GPHN: variants seen among roughly 807,000 people sequenced by gnomAD.
GPHN encodes gephyrin.
In GPHN, 17 loss-of-function variants were observed where a neutral mutation model predicts 95.5. The ratio of observed to expected loss-of-function variants is 0.18; its 90% CI spans 0.12 to 0.27. The LOEUF is 0.27. Ranked by LOEUF, GPHN falls within the 10% of genes least tolerant of loss-of-function variation. GPHN has a pLI of 1.00. For synonymous variants in GPHN, 320 were observed against 322.5 expected, an observed-to-expected ratio of 0.99 and a Z score of 0.08; for missense variants, 660 against 978.1, an observed-to-expected ratio of 0.67 and a Z score of 4.34.
At chr14:66,898,131 A>G (rs572776200) in intron 5 of GPHN, among the ~76,000 whole-genome samples, 1 of 151,986 alleles carries the variant, frequency 6.6e-6, no homozygotes, top group African/African-American at 2.4e-5. Flanking sequence ...GTGGATTGCA[A>G]TTGTTTTCTC....
chr14:67,258,345 G>A, the GPHN span, among the ~76,000 whole-genome samples: 1 of 152,212 alleles, frequency 6.6e-6, no homozygotes, highest in East Asian at 1.9e-4. Context: ...GACTAGTCTG[G>A]GCAATGTGGC....
intron 12 of GPHN, among the ~76,000 whole-genome samples, chr14:67,092,680 A>G (rs2077191691): frequency 6.6e-6 from 1 of 152,116 alleles, no homozygotes; most frequent in South Asian, 2.1e-4. Flanking sequence ...ATAAAACATT[A>G]AGAAAGAATA....
At chr14:67,733,735 C>T in the GPHN span, 10 of 1,588,218 alleles carry the variant, frequency 6.3e-6, no homozygotes, top group Non-Finnish European at 6.9e-6. Context: ...CTGTCTTTCT[C>T]TGCCCTCCAG....
At chr14:67,587,260 A>C in the GPHN span, 1,610,557 of 1,613,066 alleles carry the variant, frequency 1, 804,058 homozygotes, top group East Asian at 1. Flanking sequence ...CGATTCCCCA[A>C]CACCACTAGT....
chr14:67,528,478 G>A, the GPHN span, among the ~76,000 whole-genome samples: 1 of 152,206 alleles, frequency 6.6e-6, no homozygotes, highest in African/African-American at 2.4e-5. Flanking sequence ...CCCAATTGAT[G>A]TGAGCAGCCA....
intron 9 of GPHN, among the ~76,000 whole-genome samples, chr14:66,990,101 GA>G (rs570711556): frequency 2.2e-3 from 342 of 152,270 alleles, no homozygotes; most frequent in African/African-American, 7.7e-3. Context: ...AGGTGAAGGG[GA>G]AACAAGGTAC....
chr14:67,432,830 T>G, the GPHN span, among the ~76,000 whole-genome samples: 2 of 152,242 alleles, frequency 1.3e-5, no homozygotes, highest in South Asian at 2.1e-4. Context: ...CTCCAATCTC[T>G]GTTTTGGTGG....
At chr14:67,056,862 G>A (rs542189757) in intron 10 of GPHN, among the ~76,000 whole-genome samples, 6 of 152,276 alleles carry the variant, frequency 3.9e-5, no homozygotes, top group East Asian at 1.9e-4. Context: ...GCCCTGCCCC[G>A]CAAGGAGGCG....
the GPHN span, among the ~76,000 whole-genome samples, chr14:67,528,597 A>G: frequency 6.6e-6 from 1 of 152,188 alleles, no homozygotes; most frequent in South Asian, 2.1e-4. Flanking sequence ...GGCTGGATTT[A>G]CCTGATCCTC....
the GPHN span, chr14:67,586,370 C>T: frequency 2.9e-6 from 4 of 1,396,582 alleles, no homozygotes; most frequent in Non-Finnish European, 3.8e-6. Flanking sequence ...CTCTCAAGCC[C>T]CAGCATCATG....
chr14:67,619,706 C>T, the GPHN span: 1 of 360,182 alleles, frequency 2.8e-6, no homozygotes, highest in Non-Finnish European at 5.1e-6. Flanking sequence ...GCGTCAGCGG[C>T]AGGGGCATGT....
chr14:67,570,010 G>T, the GPHN span: 7 of 1,585,614 alleles, frequency 4.4e-6, no homozygotes, highest in East Asian at 4.5e-5. Context: ...AGCACTGAAG[G>T]GGGTAAGAAA....
At chr14:67,625,558 T>C in the GPHN span, among the ~76,000 whole-genome samples, 10 of 151,538 alleles carry the variant, frequency 6.6e-5, no homozygotes, top group African/African-American at 2.4e-4. Flanking sequence ...TGCATGCCTG[T>C]AATCCCAACT....
chr14:67,353,160 T>A, the GPHN span: 1 of 721,770 alleles, frequency 1.4e-6, no homozygotes, highest in Admixed American at 2.6e-5. Flanking sequence ...TGAGACTATA[T>A]AGAGAATTTG....
At chr14:66,696,397 C>T (rs2068097966) in intron 2 of GPHN, among the ~76,000 whole-genome samples, 1 of 152,208 alleles carries the variant, frequency 6.6e-6, no homozygotes, top group Admixed American at 6.5e-5. Context: ...GTCTATTCCT[C>T]ATGCTAAGTA....
chr14:66,771,977 AGT>A (rs2059194294), intron 2 of GPHN, among the ~76,000 whole-genome samples: 1 of 152,076 alleles, frequency 6.6e-6, no homozygotes, highest in South Asian at 2.1e-4. Flanking sequence ...GCTCTTTCAG[AGT>A]GTGTGGCAAT....
chr14:67,725,470 T>C, the GPHN span, among the ~76,000 whole-genome samples: 1 of 152,312 alleles, frequency 6.6e-6, no homozygotes, highest in African/African-American at 2.4e-5. Context: ...AATGGGAATG[T>C]CGGAGGTGTT....
intron 6 of GPHN, among the ~76,000 whole-genome samples, chr14:66,920,409 T>C (rs1344072453): frequency 1.3e-5 from 2 of 152,122 alleles, no homozygotes; most frequent in African/African-American, 4.8e-5. Context: ...AGTTACACAA[T>C]CATAGCTCAC....
At chr14:66,601,044 A>G (rs1165038937) in intron 1 of GPHN, among the ~76,000 whole-genome samples, 1 of 152,016 alleles carries the variant, frequency 6.6e-6, no homozygotes, top group East Asian at 1.9e-4. Flanking sequence ...TAGCAATCCT[A>G]TGAGGTAGGT....
Sources: allele counts gnomAD v4.1 joint callset (sites outside exome capture counted in the v4.1 genomes callset), GRCh38; gene constraint gnomAD v4.1.1; transcripts MANE v1.5; gene names NCBI Gene and HGNC (gene_info 2026-07-23, HGNC 2026-07-21).